The following SLC27A6 variants were observed in gnomAD, a reference collection of about 807,000 sequenced individuals.
SLC27A6 encodes the protein long-chain fatty acid transport protein 6.
A neutral mutation model predicts 63.9 loss-of-function variants in SLC27A6; 74 were observed. The observed-to-expected ratio is 1.16, with a 90% CI of 0.96 to 1.40. SLC27A6 has a LOEUF of 1.40. SLC27A6 is among the 40% of genes most tolerant of loss of function. SLC27A6 has a pLI of 0.00. For synonymous variants in SLC27A6, 287 were observed against 260.8 expected, an observed-to-expected ratio of 1.10 and a Z score of -0.97; for missense variants, 794 against 732.9, an observed-to-expected ratio of 1.08 and a Z score of -0.96.
intron 4 of SLC27A6, among the ~76,000 whole-genome samples, chr5:129,006,834 C>T (rs958237995): frequency 2.3e-4 from 35 of 152,198 alleles, no homozygotes; most frequent in Middle Eastern, 3.4e-3. Context: ...TGTGTGCTTA[C>T]TGAATCAGCT....
At chr5:129,005,451 A>G (rs1159658328) in intron 4 of SLC27A6, among the ~76,000 whole-genome samples, 2 of 152,154 alleles carry the variant, frequency 1.3e-5, no homozygotes, top group Admixed American at 6.5e-5. Flanking sequence ...ACTTTGTATC[A>G]TTTAGGAAAG....
Position 129,033,243 on chromosome 5 carries a change from A to G in SLC27A6, c.1821A>G (p.Glu607=), listed in dbSNP as rs759629801. Residue 607 remains glutamate (E), a synonymous_variant, in exon 10 of 10, where the codon GAA becomes GAG. Transcript: ENST00000262462. Reference sequence around the variant, plus strand: ...AGTCTTATGTTCTACTGACCAGGGAACTTTATGATCAAATAATGTTAGGGG... The same window carrying G: ...AGTCTTATGTTCTACTGACCAGGGAGCTTTATGATCAAATAATGTTAGGGG... The part of the protein sequence containing the change: ...LKKSYVLLTR[E]LYDQIMLGEI... 1.3e-6 allele frequency: 2 copies of G among 1,587,616 alleles called. No individual in the cohort carries two copies. The highest frequency in any genetic ancestry group is 2.3e-5 in the South Asian group (2 of 86,618).
At chr5:129,014,263 CAT>C (rs1487480141) in intron 4 of SLC27A6, among the ~76,000 whole-genome samples, 10 of 152,134 alleles carry the variant, frequency 6.6e-5, no homozygotes, top group East Asian at 5.8e-4. Flanking sequence ...ATTCGGGACA[CAT>C]AGACCAGCGT....
chr5:128,974,647 AG>A (rs1045744000), intron 1 of SLC27A6, among the ~76,000 whole-genome samples: 7 of 152,186 alleles, frequency 4.6e-5, no homozygotes, highest in African/African-American at 1.7e-4. Context: ...TTATACCCCC[AG>A]GGAGAGTATA....
intron 1 of SLC27A6, among the ~76,000 whole-genome samples, chr5:128,984,856 G>A (rs1218972438): frequency 1.3e-5 from 2 of 152,146 alleles, no homozygotes; most frequent in Non-Finnish European, 2.9e-5. Context: ...TTTAAAAATT[G>A]GTGGAGGGAA....
rs980524993 is a variant in SLC27A6 at position 129,002,534 on chromosome 5, C to G, written c.969+12070C>G. On this transcript the variant is annotated intron_variant, in intron 4 of 9. Transcript: ENST00000262462. ...CCTGGTTCCCTCCCTCTCTCCCACC[C>G]TCCCTCACTCCCTCCCTTCCTTTCT... Among the ~76,000 whole-genome samples the G allele has an allele frequency of 7.9e-5, 12 of 151,928 alleles. 1 individual carries two copies. The South Asian group carries it at 2.5e-3, about 32-fold the overall frequency.
At chr5:128,988,151 C>A (rs1038330599) in intron 2 of SLC27A6, among the ~76,000 whole-genome samples, 7 of 152,086 alleles carry the variant, frequency 4.6e-5, no homozygotes, top group African/African-American at 1.7e-4. Context: ...CAAAGTCCTG[C>A]GTAAAAATGA....
At position 129,024,765 on chromosome 5, in the gene SLC27A6, C is replaced by T. The variant is rs368438924; in HGVS notation, c.1255+1055C>T. Among the ~76,000 whole-genome samples the T allele has an allele frequency of 1.3e-4, 20 of 152,178 alleles. 1 individual carries two copies. The highest frequency in any genetic ancestry group is 4.8e-4 in the African/African-American group (20 of 41,542). ...ATCAAGCCAAAATTAATTTGTATTGCCTTAAAATATGTTGAAACTGCATTT... is the reference window on the plus strand; with the variant it reads ...ATCAAGCCAAAATTAATTTGTATTGTCTTAAAATATGTTGAAACTGCATTT... On this transcript the variant is annotated intron_variant, in intron 6 of 9. Transcript: ENST00000262462.
At chr5:128,971,839 T>A (rs1245089356) in intron 1 of SLC27A6, among the ~76,000 whole-genome samples, 1 of 152,206 alleles carries the variant, frequency 6.6e-6, no homozygotes. Context: ...CTTTAGTTGA[T>A]GCAGTTTCTT....
intron 3 of SLC27A6, among the ~76,000 whole-genome samples, 168 bp from the exon 4 acceptor site, chr5:128,990,172 G>A (rs138648292): frequency 1.0e-3 from 154 of 152,182 alleles, no homozygotes; most frequent in Non-Finnish European, 1.3e-3. Context: ...GTTTTTGGAC[G>A]GTAAAAATTA....
chr5:128,999,753 C>A (rs1032895853), intron 4 of SLC27A6, among the ~76,000 whole-genome samples: 9 of 152,290 alleles, frequency 5.9e-5, no homozygotes, highest in African/African-American at 2.2e-4. Context: ...CTCCCTAACC[C>A]ATCAAATACC....
Position 128,985,194 on chromosome 5 carries a change from G to A in SLC27A6, c.543G>A (p.Gly181=), listed in dbSNP as rs1289299406. The change falls in exon 2 of 10, where the codon GGG becomes GGA. Residue 181 remains glycine, a synonymous_variant. Transcript: ENST00000262462. ...TCTCAGAAAATATCAGTGTTTGGGGGATGAAAGATTCTGTTCCACAAGGTG... is the reference window on the plus strand; with the variant it reads ...TCTCAGAAAATATCAGTGTTTGGGGAATGAAAGATTCTGTTCCACAAGGTG... ...PSLSENISVW[G]MKDSVPQGVI... 3.7e-6 allele frequency: 6 copies of A among 1,613,928 alleles called. No individual in the cohort carries two copies.
rs1749897203 is a variant in SLC27A6, at chr5:128,966,411, G to A, written c.274G>A (p.Val92Met). Reference protein sequence around the residue: ...YQDVDKRSSRVAHVFLNHSSL... With the variant: ...YQDVDKRSSRMAHVFLNHSSL... Reference sequence around the variant, plus strand: ...GGATGTAGACAAAAGGAGCAGCAGAGTGGCCCATGTCTTCCTGAACCATTC... The same window carrying A: ...GGATGTAGACAAAAGGAGCAGCAGAATGGCCCATGTCTTCCTGAACCATTC... Residue 92 changes from valine (V) to methionine (M), a missense_variant, in exon 1 of 10, where the codon GTG (valine) becomes ATG (methionine). Physicochemically the swap from Val to Met is conservative, Grantham distance 21 (BLOSUM62 1). Transcript: ENST00000262462. The A allele has an allele frequency of 6.2e-7, 1 of 1,609,822 alleles. No homozygotes were observed. The highest frequency in any genetic ancestry group is 1.7e-5 in the Admixed American group (1 of 59,568).
At chr5:129,013,631 T>C (rs1023307263) in intron 4 of SLC27A6, among the ~76,000 whole-genome samples, 3 of 152,094 alleles carry the variant, frequency 2.0e-5, no homozygotes, top group Admixed American at 2.0e-4. Flanking sequence ...CCAGAAAATG[T>C]CCAACTGTAT....
At chr5:129,012,781 A>G (rs1751765976) in intron 4 of SLC27A6, among the ~76,000 whole-genome samples, 1 of 152,054 alleles carries the variant, frequency 6.6e-6, no homozygotes, top group Non-Finnish European at 1.5e-5. Flanking sequence ...TGATGATTGT[A>G]TGGCTTACCT....
chr5:129,012,102 A>G (rs1386844357), intron 4 of SLC27A6, among the ~76,000 whole-genome samples: 1 of 151,820 alleles, frequency 6.6e-6, no homozygotes, highest in African/African-American at 2.4e-5. Context: ...TAATATAAAA[A>G]TACGTATTTT....
chr5:129,014,070 G>A (rs1561628335), intron 4 of SLC27A6, among the ~76,000 whole-genome samples: 1 of 152,010 alleles, frequency 6.6e-6, no homozygotes, highest in African/African-American at 2.4e-5. Flanking sequence ...TTCCTGCTCT[G>A]GTATATGATT....
intron 1 of SLC27A6, among the ~76,000 whole-genome samples, chr5:128,970,919 A>T (rs1231012190): frequency 6.6e-6 from 1 of 152,034 alleles, no homozygotes; most frequent in African/African-American, 2.4e-5. Flanking sequence ...CCCTCTACAC[A>T]CTGCTTTAAA....
chr5:129,026,579 G>A (rs1185792), intron 6 of SLC27A6, among the ~76,000 whole-genome samples: 39,057 of 151,902 alleles, frequency 0.26, 5,944 homozygotes, highest in Middle Eastern at 0.35. Context: ...ATAAAAACTT[G>A]AATTTGAGTT....
Sources: allele counts gnomAD v4.1 joint callset (sites outside exome capture counted in the v4.1 genomes callset), GRCh38; gene constraint gnomAD v4.1.1; transcripts MANE v1.5; gene names NCBI Gene and HGNC (gene_info 2026-07-23, HGNC 2026-07-21).